Variants in AK5 observed in about 807,000 individuals in gnomAD.
The protein encoded by AK5 is adenylate kinase 5, also known as adenylate kinase isoenzyme 5.
In AK5, 27 loss-of-function variants were observed where a neutral mutation model predicts 69.5. The observed-to-expected ratio is 0.39, with a 90% CI of 0.29 to 0.54. The LOEUF (loss-of-function observed/expected upper bound fraction) is 0.54. AK5 is among the 20% of genes least tolerant of loss of function. AK5 has a pLI of 0.71. For missense variants in AK5, 531 were observed against 700.4 expected, an observed-to-expected ratio of 0.76 and a Z score of 2.73; for synonymous variants, 260 against 244.4, an observed-to-expected ratio of 1.06 and a Z score of -0.60.
At chr1:77,486,478 G>A (rs898726515) in intron 10 of AK5, 126 bp downstream of exon 10, 10 of 559,732 alleles carry the variant, frequency 1.8e-5, no homozygotes, top group South Asian at 9.5e-5. Context: ...GGCAGATCAC[G>A]AGGTCAGGAG....
At chr1:77,421,798 A>G (rs1650833635) in intron 8 of AK5, among the ~76,000 whole-genome samples, 1 of 152,006 alleles carries the variant, frequency 6.6e-6, no homozygotes, top group Non-Finnish European at 1.5e-5. Flanking sequence ...ACTCCTCTCC[A>G]TCAGTCTATT....
In AK5 at chr1:77,340,514, G is replaced by A; in HGVS notation, c.837G>A (p.Lys279=). ...CCCAAAGGAGACTAATGAACTTCAA[G>A]CAGAATGCTGCTCCATTGGTTAAAT... ...KATQRRLMNF[K]QNAAPLVKYF... Residue 279 remains lysine, a synonymous_variant, in exon 6 of 14, where the codon AAG becomes AAA. Transcript: ENST00000354567. 1.2e-6 allele frequency: 2 copies of A among 1,614,130 alleles called. No individual in the cohort carries two copies. The highest frequency in any genetic ancestry group is 1.7e-6 in the Non-Finnish European group (2 of 1,179,994).
At chr1:77,352,629 A>G (rs550848536) in intron 6 of AK5, among the ~76,000 whole-genome samples, 1 of 152,354 alleles carries the variant, frequency 6.6e-6, no homozygotes, top group East Asian at 1.9e-4. Flanking sequence ...AGGTGAACTG[A>G]GGCACAATAA....
At chr1:77,455,090 G>A (rs547589744) in intron 8 of AK5, among the ~76,000 whole-genome samples, 7 of 152,144 alleles carry the variant, frequency 4.6e-5, no homozygotes, top group African/African-American at 1.4e-4. Flanking sequence ...CCTATCTAGC[G>A]GGCATTAGTA....
At chr1:77,376,009 G>A (rs1429780524) in intron 6 of AK5, among the ~76,000 whole-genome samples, 3 of 152,196 alleles carry the variant, frequency 2.0e-5, no homozygotes, top group South Asian at 2.1e-4. Flanking sequence ...TCAAGACCTC[G>A]TTATTAGAGA....
In AK5 at chr1:77,376,319, A is replaced by G. The variant is rs146222526; in HGVS notation, c.892-34662A>G. 4.6e-5 allele frequency among the ~76,000 whole-genome samples: 7 copies of G among 151,938 alleles called. No individual in the cohort carries two copies. The East Asian group carries it at 1.4e-3, about 30-fold the overall frequency. The stretch of plus-strand genomic sequence containing the variant: ...ATCCAGAGGGAGGGCAAGTAGGTCG[A>G]AGCAGACTCTGATGGTGTTTACTTA... On this transcript the variant is annotated intron_variant, in intron 6 of 13. Transcript: ENST00000354567.
chr1:77,399,921 A>G (rs540639089), intron 6 of AK5, among the ~76,000 whole-genome samples: 1 of 152,344 alleles, frequency 6.6e-6, no homozygotes, highest in East Asian at 1.9e-4. Context: ...CAACCCACAC[A>G]GACCCATAGG....
At chr1:77,529,325 G>A (rs553540085) in intron 12 of AK5, among the ~76,000 whole-genome samples, 21 of 146,534 alleles carry the variant, frequency 1.4e-4, no homozygotes, top group African/African-American at 4.1e-4. Context: ...TAGGACCCCC[G>A]TTTTATAGGT....
chr1:77,425,062 A>G (rs1285661647), intron 8 of AK5, among the ~76,000 whole-genome samples: 1 of 152,188 alleles, frequency 6.6e-6, no homozygotes, highest in Non-Finnish European at 1.5e-5. Context: ...GATCAAAATC[A>G]TTTTTACTTT....
chr1:77,408,454 G>T (rs952738860), intron 6 of AK5, among the ~76,000 whole-genome samples: 6 of 151,882 alleles, frequency 4.0e-5, no homozygotes, highest in Non-Finnish European at 8.8e-5. Flanking sequence ...TATGTCTTTT[G>T]CCCACTTTTT....
chr1:77,367,731 T>TATATA (rs1647002644), intron 6 of AK5, among the ~76,000 whole-genome samples: 4 of 80,278 alleles, frequency 5.0e-5, no homozygotes, highest in Non-Finnish European at 8.6e-5. Flanking sequence ...ATATATGTTA[T>TATATA]ATATACGTTA....
In AK5 at chr1:77,397,772, C is replaced by A. The variant is rs115203431; in HGVS notation, c.892-13209C>A. Among the ~76,000 whole-genome samples, 754 of 152,234 alleles carry A rather than the reference C, an allele frequency of 5.0e-3. 9 individuals carry two copies. The highest frequency in any genetic ancestry group is 0.017 in the African/African-American group (704 of 41,532). ...AAAAAATTAGCCAGGTATGGTGCCA[C>A]GTGCCTGTAGCCCCAGCTACTCAGG... On this transcript the variant is annotated intron_variant, in intron 6 of 13. Transcript: ENST00000354567.
intron 8 of AK5, among the ~76,000 whole-genome samples, chr1:77,435,527 A>G (rs997728614): frequency 8.6e-5 from 13 of 151,994 alleles, no homozygotes; most frequent in African/African-American, 3.1e-4. Flanking sequence ...GTACACCTGC[A>G]GTCCCAGCTA....
intron 5 of AK5, among the ~76,000 whole-genome samples, chr1:77,307,980 C>T (rs1358139243): frequency 6.6e-6 from 1 of 152,170 alleles, no homozygotes; most frequent in Admixed American, 6.5e-5. Flanking sequence ...GCTGTCTATT[C>T]TGACATCTTG....
intron 1 of AK5, among the ~76,000 whole-genome samples, chr1:77,285,456 C>T (rs1658299340): frequency 4.6e-5 from 7 of 152,180 alleles, no homozygotes; most frequent in Admixed American, 4.6e-4. Flanking sequence ...GCCTACCATT[C>T]TGAGGAAATT....
At chr1:77,404,047 T>C (rs1649443243) in intron 6 of AK5, among the ~76,000 whole-genome samples, 1 of 152,200 alleles carries the variant, frequency 6.6e-6, no homozygotes, top group Non-Finnish European at 1.5e-5. Context: ...GGTATTTTAT[T>C]CTCTTTGAAG....
At chr1:77,367,861 AATATATG>A (rs1312508381) in intron 6 of AK5, among the ~76,000 whole-genome samples, 48 of 3,534 alleles carry the variant, frequency 0.014, no homozygotes, top group South Asian at 0.023. Context: ...TATAATATAT[AATATATG>A]TGATATATAA....
chr1:77,383,896 A>G (rs1294366947), intron 6 of AK5, among the ~76,000 whole-genome samples: 1 of 152,174 alleles, frequency 6.6e-6, no homozygotes, highest in Non-Finnish European at 1.5e-5. Context: ...ATGTAATATA[A>G]TTGCTCCAGT....
intron 6 of AK5, among the ~76,000 whole-genome samples, chr1:77,369,390 T>C (rs1647077886): frequency 6.6e-6 from 1 of 152,164 alleles, no homozygotes; most frequent in South Asian, 2.1e-4. Context: ...AAGTGTTTTA[T>C]TAGAAAATTG....
Sources: gnomAD v4.1 joint callset for allele counts (sites outside exome capture counted in the v4.1 genomes callset) on GRCh38, gnomAD v4.1.1 for gene constraint, MANE v1.5 for transcripts, NCBI Gene and HGNC (gene_info 2026-07-23, HGNC 2026-07-21) for gene names.